Variants in ITGA5 observed in about 807,000 individuals in gnomAD.
ITGA5 encodes the protein integrin alpha-5.
A neutral mutation model predicts 146.3 loss-of-function variants in ITGA5; 55 were observed. That is an observed-to-expected ratio of 0.38 (90% CI 0.30 to 0.47). ITGA5 has a LOEUF of 0.47. Ranked by LOEUF, ITGA5 falls within the 20% of genes least tolerant of loss-of-function variation. The pLI, the probability that ITGA5 is intolerant of heterozygous loss-of-function variation, is 0.99. For synonymous variants in ITGA5, 500 were observed against 531.8 expected (o/e 0.94, Z 0.82); for missense variants, 1,131 against 1,329.0 (o/e 0.85, Z 2.32).
intron 1 of ITGA5, chr12:54,413,455 C>T (rs920711365): frequency 1.3e-5 from 2 of 152,262 alleles, no homozygotes; most frequent in African/African-American, 4.8e-5. Flanking sequence ...AGGTGCCAGT[C>T]TCCGTTACTC....
At position 54,415,226 on chromosome 12, in the gene ITGA5, A is replaced by G. The variant is rs1246380385; in HGVS notation, c.219-3262T>C. ...TTACTAAATGCAGGTTGGCAGGTACACTTTTCTGAAATAGAGTCTGAGAGA... is the reference window on the plus strand; with the variant it reads ...TTACTAAATGCAGGTTGGCAGGTACGCTTTTCTGAAATAGAGTCTGAGAGA... On this transcript the variant is annotated intron_variant, in intron 1 of 29. Transcript: ENST00000293379. 6.6e-5 allele frequency among the ~76,000 whole-genome samples: 10 copies of G among 152,244 alleles called. No homozygotes were observed. In the South Asian group the frequency reaches 1.7e-3, roughly 25 times the overall value.
intron 6 of ITGA5, among the ~76,000 whole-genome samples, chr12:54,408,491 G>T (rs1247808876): frequency 1.3e-5 from 2 of 152,042 alleles, no homozygotes; most frequent in Admixed American, 1.3e-4. Flanking sequence ...ACTTTGAGAG[G>T]CCAAGAGGGG....
chr12:54,416,623 C>T lies in ITGA5; in HGVS notation c.218+2358G>A, dbSNP rs895478575. Among the ~76,000 whole-genome samples, 2 of 152,246 alleles carry T rather than the reference C, an allele frequency of 1.3e-5. No individual in the cohort carries two copies. The highest frequency in any genetic ancestry group is 4.8e-5 in the African/African-American group (2 of 41,458). On this transcript the variant is annotated intron_variant, in intron 1 of 29. Coordinates refer to ENST00000293379, the MANE Select transcript of ITGA5 (RefSeq NM_002205.5). This position sits in a 1 kb window ranked among gnomAD's most constrained non-coding sequence, Gnocchi z 4.1. The stretch of plus-strand genomic sequence containing the variant: ...AAAACCATGCCGCCCATGTATTGAT[C>T]ACTCTCTGTGGACCAGGTTCCTTTT...
At chr12:54,413,223 C>T (rs1955968723) in intron 1 of ITGA5, 2 of 152,552 alleles carry the variant, frequency 1.3e-5, no homozygotes, top group Admixed American at 6.5e-5. Flanking sequence ...GGGGTATTTT[C>T]CAAGAAGACC....
At position 54,409,302 on chromosome 12, in the gene ITGA5, G is replaced by T; in HGVS notation, c.513C>A (p.Asp171Glu). The T allele has an allele frequency of 6.2e-7, 1 of 1,613,986 alleles. No individual in the cohort carries two copies. Among genetic ancestry groups the T allele is most frequent in the Non-Finnish European group, 8.5e-7 (1 of 1,179,978 alleles). ...SWRTEKEPLS[D>E]PVGTCYLSTD... ...TGGAGAGGTAGCAGGTGCCCACGGG[G>T]TCGCTCAGTGGCTCCTTCTCTGTGC... The change falls in exon 4 of 30, where the codon GAC becomes GAA. Residue 171 changes from aspartate (D) to glutamate (E), a missense_variant. Asp to Glu is a conservative substitution (Grantham distance 45). Coordinates refer to ENST00000293379, the MANE Select transcript of ITGA5 (RefSeq NM_002205.5). This position sits in a 1 kb window ranked among gnomAD's most constrained non-coding sequence, Gnocchi z 4.7.
rs1955839762 is a variant in ITGA5 at position 54,404,764 on chromosome 12, G to A, written c.1356C>T (p.Thr452=). The A allele has an allele frequency of 6.2e-7, 1 of 1,614,098 alleles. No homozygotes were observed. The highest frequency in any genetic ancestry group is 8.5e-7 in the Non-Finnish European group (1 of 1,179,996). Reference sequence around the variant, plus strand: ...GAAGGGCAGAGCCAAAGAAGTCTGGGGTGTGGCTGGCTGCCCACAGGGGCT... The same window carrying A: ...GAAGGGCAGAGCCAAAGAAGTCTGGAGTGTGGCTGGCTGCCCACAGGGGCT... The part of the protein sequence containing the change: ...VLQPLWAASH[T]PDFFGSALRG... Residue 452 remains threonine, a synonymous_variant, in exon 13 of 30, where the codon ACC becomes ACT. Coordinates refer to ENST00000293379, the MANE Select transcript of ITGA5 (RefSeq NM_002205.5).
chr12:54,409,065 TG>T lies in ITGA5; in HGVS notation c.584-112del. 1 of 1,411,264 alleles carries T rather than the reference TG, an allele frequency of 7.1e-7. No individual in the cohort carries two copies. The highest frequency in any genetic ancestry group is 9.9e-7 in the Non-Finnish European group (1 of 1,010,756). The allele number at this position is 1,411,264 out of a possible 1,614,324, so 87.4% of individuals were successfully genotyped here. A position where few individuals can be genotyped will look rare whatever the true frequency, so the allele number is the denominator to read the frequency against. On this transcript the variant is annotated intron_variant, in intron 4 of 29. Coordinates refer to ENST00000293379, the MANE Select transcript of ITGA5 (RefSeq NM_002205.5). The surrounding 1 kb of genome is among the most constrained non-coding windows in gnomAD (Gnocchi z 4.7). Reference sequence around the variant, plus strand: ...GAGAGAACCAGAGAAAGGGCCTTCCTGGACCAGACAGTAAGCATAAAGGCTA... The same window carrying T: ...GAGAGAACCAGAGAAAGGGCCTTCCTGACCAGACAGTAAGCATAAAGGCTA...
chr12:54,405,271 C>G lies in ITGA5; in HGVS notation c.1120G>C (p.Gly374Arg). ...RVYVYLQHPA[G>R]IEPTPTLTLT... ...GTAAGGGTGGGCGTGGGCTCTATGC[C>G]GGCTGGGTGCTGCAGGTAGACGTAG... is the stretch of plus-strand genomic sequence containing the variant. The change falls in exon 12 of 30, where the codon GGC becomes CGC. Residue 374 changes from glycine (G) to arginine (R), a missense_variant. Around this residue, in one of 3 missense-constraint regions of ITGA5, gnomAD observed 889 missense variants for 1,021.5 expected, o/e 0.87. Coordinates refer to ENST00000293379, the MANE Select transcript of ITGA5 (RefSeq NM_002205.5). 1 of 1,613,934 alleles carries G rather than the reference C, an allele frequency of 6.2e-7. No homozygotes were observed. The highest frequency in any genetic ancestry group is 1.1e-5 in the South Asian group (1 of 91,068).
At chr12:54,400,611 C>A in intron 25 of ITGA5, 1 of 489,630 alleles carries the variant, frequency 2.0e-6, no homozygotes. Flanking sequence ...ATAACTGGGC[C>A]CTAGGGGTAT....
In ITGA5 at chr12:54,409,978, T is replaced by A. The variant is rs1444832254; in HGVS notation, c.350-381A>T. On this transcript the variant is annotated intron_variant, in intron 2 of 29. Transcript: ENST00000293379. This position sits in a 1 kb window ranked among gnomAD's most constrained non-coding sequence, Gnocchi z 4.7. ...TTCAAGGGATTCTCCTGCCTCAGCC[T>A]CCTCAGTAGCTGGGATTACAGGTGC... Among the ~76,000 whole-genome samples the A allele has an allele frequency of 1.3e-5, 2 of 151,706 alleles. No homozygotes were observed. The highest frequency in any genetic ancestry group is 2.9e-5 in the Non-Finnish European group (2 of 67,904).
chr12:54,402,258 C>T lies in ITGA5; in HGVS notation c.2055G>A (p.Glu685=). 1.2e-6 allele frequency: 2 copies of T among 1,614,170 alleles called. No homozygotes were observed. The highest frequency in any genetic ancestry group is 1.7e-6 in the Non-Finnish European group (2 of 1,180,020). ...GAAGCTCAGCCTCATAGGCGCCACC[C>T]TCACCCACATTCTGGGCATGGAAAG... The part of the protein sequence containing the change: ...NLTFHAQNVG[E]GGAYEAELRV... The change falls in exon 20 of 30, where the codon GAG becomes GAA. Residue 685 remains glutamate, a synonymous_variant. Transcript: ENST00000293379.
chr12:54,411,735 G>A, intron 2 of ITGA5, 99 bp downstream of exon 2: 3 of 1,095,298 alleles, frequency 2.7e-6, no homozygotes, highest in Non-Finnish European at 3.7e-6. Flanking sequence ...CGTGGCCGGG[G>A]TTCCAGCAGG....
chr12:54,411,685 T>C, intron 2 of ITGA5, 149 bp downstream of exon 2: 2 of 532,408 alleles, frequency 3.8e-6, no homozygotes, highest in South Asian at 3.6e-5. Context: ...GGGGATCCAC[T>C]GTAAGCAGTT....
intron 12 of ITGA5, 26 bp from the exon 13 acceptor site, chr12:54,404,920 TC>T (rs1955843273): frequency 1.3e-6 from 2 of 1,513,972 alleles, no homozygotes; most frequent in Non-Finnish European, 1.8e-6. Context: ...CACACACTAG[TC>T]AGCAGGCCAG....
chr12:54,419,194 C>G lies in ITGA5; in HGVS notation c.5G>C (p.Gly2Ala). 6.4e-7 allele frequency: 1 copy of G among 1,556,758 alleles called. No individual in the cohort carries two copies. The highest frequency in any genetic ancestry group is 8.7e-7 in the Non-Finnish European group (1 of 1,151,674). Residue 2 changes from glycine to alanine, a missense_variant, in exon 1 of 30, where the codon GGG (glycine) becomes GCG (alanine). Gly to Ala is a moderately conservative substitution (Grantham distance 60). Coordinates refer to ENST00000293379, the MANE Select transcript of ITGA5 (RefSeq NM_002205.5). M[G>A]SRTPESPLHA... ...GAGAGGGGACTCTGGCGTCCGGCTC[C>G]CCATAGCGCCCGCTCTTCCCTGTCC...
chr12:54,401,625 G>A lies in ITGA5; in HGVS notation c.2347C>T (p.Arg783Trp), dbSNP rs779590743. The change falls in exon 23 of 30, where the codon CGG becomes TGG. Residue 783 changes from arginine to tryptophan, a missense_variant. Arg to Trp is a moderately radical substitution (Grantham distance 101). Around this residue, in one of 3 missense-constraint regions of ITGA5, gnomAD observed 889 missense variants for 1,021.5 expected, o/e 0.87. Transcript: ENST00000293379. The surrounding 1 kb of genome is among the most constrained non-coding windows in gnomAD (Gnocchi z 5.0). Reference sequence around the variant, plus strand: ...TGGGCCTGAGCCTCCACGGAGAGCCGAAAGGAAACCACGTCGCTTTGCGAG... The same window carrying A: ...TGGGCCTGAGCCTCCACGGAGAGCCAAAAGGAAACCACGTCGCTTTGCGAG... ...NNSQSDVVSF[R>W]LSVEAQAQVT... The A allele has an allele frequency of 8.7e-6, 14 of 1,614,188 alleles. No individual in the cohort carries two copies. The highest frequency in any genetic ancestry group is 2.2e-5 in the East Asian group (1 of 44,880).
At chr12:54,398,394 C>T (rs965385025) in intron 28 of ITGA5, among the ~76,000 whole-genome samples, 1 of 152,154 alleles carries the variant, frequency 6.6e-6, no homozygotes, top group Non-Finnish European at 1.5e-5. Context: ...TGTGTTGTTC[C>T]ACGAGACTGT....
chr12:54,400,890 G>A lies in ITGA5; in HGVS notation c.2599C>T (p.Leu867Phe), dbSNP rs1197565520. 3 of 1,614,128 alleles carry A rather than the reference G, an allele frequency of 1.9e-6. No individual in the cohort carries two copies. The highest frequency in any genetic ancestry group is 2.2e-5 in the South Asian group (2 of 91,082). ...ATGGGGTGATTGGTGGTGCAGTTGA[G>A]TCCCGTAACTCTGGTCACATATAGG... ...QLLYVTRVTG[L>F]NCTTNHPINP... Residue 867 changes from leucine to phenylalanine, a missense_variant, in exon 25 of 30, where the codon CTC (leucine) becomes TTC (phenylalanine). Physicochemically the swap from Leu to Phe is conservative, Grantham distance 22. This residue lies in a region of ITGA5 where 889 missense variants were observed against 1,021.5 expected (regional missense o/e 0.87). Transcript: ENST00000293379.
At chr12:54,418,662 C>T (rs1312228398) in intron 1 of ITGA5, among the ~76,000 whole-genome samples, 1 of 147,834 alleles carries the variant, frequency 6.8e-6, no homozygotes, top group African/African-American at 2.5e-5. Context: ...CAGCCAGAGA[C>T]CCTCAGCTCT....
Sources: gnomAD v4.1 joint callset for allele counts (sites outside exome capture counted in the v4.1 genomes callset) on GRCh38, gnomAD v4.1.1 for gene constraint, gnomAD v4.1.1 regional missense constraint, Gnocchi (gnomAD v3.1) non-coding constraint, MANE v1.5 for transcripts, NCBI Gene and HGNC (gene_info 2026-07-23, HGNC 2026-07-21) for gene names.